SLC1A3: variants seen among roughly 807,000 people sequenced by gnomAD.
The protein encoded by SLC1A3 is solute carrier family 1 member 3.
In SLC1A3, 21 loss-of-function variants were observed where a neutral mutation model predicts 48.1. The observed-to-expected ratio is 0.44, with a 90% CI of 0.31 to 0.63. The LOEUF (loss-of-function observed/expected upper bound fraction) is 0.63. Ranked by LOEUF, SLC1A3 falls within the 20% of genes least tolerant of loss-of-function variation. The probability of loss-of-function intolerance (pLI) is 0.08; values close to 1 mark genes in which losing one functional copy is unlikely to be tolerated. For synonymous variants in SLC1A3, 239 were observed against 251.4 expected, an observed-to-expected ratio of 0.95 and a Z score of 0.47; for missense variants, 546 against 689.0, an observed-to-expected ratio of 0.79 and a Z score of 2.32.
chr5:36,658,551 A>T (rs2111875871), intron 3 of SLC1A3, among the ~76,000 whole-genome samples: 1 of 152,324 alleles, frequency 6.6e-6, no homozygotes, highest in African/African-American at 2.4e-5. Context: ...CCAGAAGCAA[A>T]AATTTATCTC....
chr5:36,677,211 T>C (rs776332830), intron 6 of SLC1A3, 27 bp downstream of exon 6: 11 of 1,588,238 alleles, frequency 6.9e-6, no homozygotes, highest in Non-Finnish European at 9.5e-6. Context: ...TCTATATATG[T>C]TATATACGAG....
At chr5:36,603,219 C>T (rs528081109), upstream of SLC1A3, among the ~76,000 whole-genome samples, 38 of 152,340 alleles carry the variant, frequency 2.5e-4, no homozygotes, top group African/African-American at 7.9e-4. Context: ...CACACGATGG[C>T]TGCTATGGGC....
chr5:36,684,084 C>T, intron 9 of SLC1A3, 86 bp downstream of exon 9: 1 of 1,527,706 alleles, frequency 6.5e-7, no homozygotes, highest in Non-Finnish European at 9.1e-7. Flanking sequence ...GGCACATCTA[C>T]AGAAAGAACT....
chr5:36,628,059 G>C (rs992291529), intron 2 of SLC1A3, among the ~76,000 whole-genome samples: 2 of 152,140 alleles, frequency 1.3e-5, no homozygotes, highest in African/African-American at 4.8e-5. Flanking sequence ...ATATGGGCAG[G>C]ATTTTGCCCC....
At chr5:36,626,492 T>G (rs376381854) in intron 2 of SLC1A3, among the ~76,000 whole-genome samples, 3 of 152,254 alleles carry the variant, frequency 2.0e-5, no homozygotes, top group African/African-American at 7.2e-5. Context: ...CTTCAACTGT[T>G]GTTTGCAGAA....
intron 1 of SLC1A3, among the ~76,000 whole-genome samples, chr5:36,600,113 G>C (rs1276224909): frequency 6.6e-6 from 1 of 152,128 alleles, no homozygotes; most frequent in South Asian, 2.1e-4. Flanking sequence ...ACCCAATCCA[G>C]TCATTTCCAA....
chr5:36,679,893 A>C (rs1202839496), intron 7 of SLC1A3, 33 bp downstream of exon 7: 1 of 1,500,006 alleles, frequency 6.7e-7, no homozygotes, highest in East Asian at 2.3e-5. Flanking sequence ...TGAGTCTGAA[A>C]TGTTACCTTG....
chr5:36,611,668 G>A lies in SLC1A3; in HGVS notation c.181+3064G>A, dbSNP rs75882017. Among the ~76,000 whole-genome samples, 1,136 of 152,234 alleles carry A rather than the reference G, an allele frequency of 7.5e-3. 15 individuals carry two copies. The highest frequency in any genetic ancestry group is 0.025 in the African/African-American group (1,040 of 41,538). ...ATCCCTTAGAGGGCCCGTCATGAAAGCATTAGATAATGGTCTGCCAGGGCT... is the reference window on the plus strand; with the variant it reads ...ATCCCTTAGAGGGCCCGTCATGAAAACATTAGATAATGGTCTGCCAGGGCT... On this transcript the variant is annotated intron_variant, in intron 2 of 9. Coordinates refer to ENST00000265113, the MANE Select transcript of SLC1A3 (RefSeq NM_004172.5).
intron 3 of SLC1A3, among the ~76,000 whole-genome samples, chr5:36,635,154 C>T (rs1044487814): frequency 5.3e-5 from 8 of 151,588 alleles, no homozygotes; most frequent in Non-Finnish European, 8.8e-5. Flanking sequence ...CCCCTCAACA[C>T]CTACCCGTAC....
intron 2 of SLC1A3, among the ~76,000 whole-genome samples, chr5:36,629,215 T>C (rs1168159926): frequency 6.6e-6 from 1 of 152,198 alleles, no homozygotes; most frequent in Non-Finnish European, 1.5e-5. Flanking sequence ...TTTTTACTTG[T>C]TGAAACTAGA....
At chr5:36,604,666 T>C (rs1338700201), upstream of SLC1A3, among the ~76,000 whole-genome samples, 1 of 152,138 alleles carries the variant, frequency 6.6e-6, no homozygotes, top group Non-Finnish European at 1.5e-5. Flanking sequence ...TGAAATGGTT[T>C]TTAACCAAGC....
At chr5:36,635,618 C>G (rs985292252) in intron 3 of SLC1A3, among the ~76,000 whole-genome samples, 1 of 152,240 alleles carries the variant, frequency 6.6e-6, no homozygotes, top group African/African-American at 2.4e-5. Flanking sequence ...CTTATCACAG[C>G]TGCATAATTG....
intron 2 of SLC1A3, among the ~76,000 whole-genome samples, chr5:36,611,280 TAAAA>T (rs11336594): frequency 1.9e-4 from 25 of 132,484 alleles, no homozygotes; most frequent in Admixed American, 2.3e-4. Context: ...TTGCTTTTAG[TAAAA>T]AAAAAAAAAA....
chr5:36,634,000 G>C (rs967429772), intron 3 of SLC1A3, among the ~76,000 whole-genome samples: 1 of 152,204 alleles, frequency 6.6e-6, no homozygotes, highest in Non-Finnish European at 1.5e-5. Flanking sequence ...AAATGGCTGG[G>C]CGTCGTGGCT....
chr5:36,652,817 A>G (rs1008792271), intron 3 of SLC1A3, among the ~76,000 whole-genome samples: 1 of 152,182 alleles, frequency 6.6e-6, no homozygotes, highest in Non-Finnish European at 1.5e-5. Context: ...ACTTTCCCCA[A>G]AACAAAATAA....
At chr5:36,661,662 A>G (rs888184890) in intron 3 of SLC1A3, among the ~76,000 whole-genome samples, 14 of 152,190 alleles carry the variant, frequency 9.2e-5, no homozygotes, top group Non-Finnish European at 5.9e-5. Flanking sequence ...CTGGGCCTGG[A>G]GTCACACTCC....
At chr5:36,645,847 A>G (rs544308110) in intron 3 of SLC1A3, among the ~76,000 whole-genome samples, 46 of 152,274 alleles carry the variant, frequency 3.0e-4, no homozygotes, top group African/African-American at 1.0e-3. Context: ...GTTTTCTTCT[A>G]TCTCATGTCT....
rs567209522 is a variant in SLC1A3, at chr5:36,651,399, T to A, written c.320-19630T>A. Reference sequence around the variant, plus strand: ...GGGTCTTGCTCTTTTCTTACCTACTTTTTTTGCACAAAGGTAGCATGTTCT... The same window carrying A: ...GGGTCTTGCTCTTTTCTTACCTACTATTTTTGCACAAAGGTAGCATGTTCT... On this transcript the variant is annotated intron_variant, in intron 3 of 9. Coordinates refer to ENST00000265113, the MANE Select transcript of SLC1A3 (RefSeq NM_004172.5). Among the ~76,000 whole-genome samples, 12 of 152,190 alleles carry A rather than the reference T, an allele frequency of 7.9e-5. No individual in the cohort carries two copies. In the East Asian group the frequency reaches 2.3e-3, roughly 29 times the overall value.
At chr5:36,638,528 C>T in intron 3 of SLC1A3, among the ~76,000 whole-genome samples, 1 of 152,330 alleles carries the variant, frequency 6.6e-6, no homozygotes, top group East Asian at 1.9e-4. Flanking sequence ...GTACCTGTCA[C>T]TGTCACTCAT....
Sources: gnomAD v4.1 joint callset for allele counts (sites outside exome capture counted in the v4.1 genomes callset) on GRCh38, gnomAD v4.1.1 for gene constraint, MANE v1.5 for transcripts, NCBI Gene and HGNC (gene_info 2026-07-23, HGNC 2026-07-21) for gene names.